AMPH: variants seen among roughly 807,000 people sequenced by gnomAD.
The protein encoded by AMPH is amphiphysin (Stiff-Mann syndrome with breast cancer 128kD autoantigen).
AMPH carries 49 observed loss-of-function variants against 99.1 expected under a neutral mutation model. That is an observed-to-expected ratio of 0.49 (90% CI 0.39 to 0.63). The LOEUF (loss-of-function observed/expected upper bound fraction) is 0.63, where lower values mean the gene tolerates loss of function less well. Ranked by LOEUF, AMPH falls within the 20% of genes least tolerant of loss-of-function variation. The pLI, the probability that AMPH is intolerant of heterozygous loss-of-function variation, is 0.00. For missense variants in AMPH, 759 were observed against 863.4 expected (o/e 0.88, Z 1.52); for synonymous variants, 314 against 317.3 (o/e 0.99, Z 0.11).
chr7:38,548,048 T>C (rs1791051393), intron 1 of AMPH, among the ~76,000 whole-genome samples: 1 of 60,732 alleles, frequency 1.6e-5, no homozygotes. Flanking sequence ...TTTTTTTTTG[T>C]GACAGAGTCT....
At chr7:38,505,375 C>A (rs920071616) in intron 2 of AMPH, among the ~76,000 whole-genome samples, 1 of 152,098 alleles carries the variant, frequency 6.6e-6, no homozygotes, top group African/African-American at 2.4e-5. Context: ...GCTCTATAAA[C>A]CCGGTTACTA....
chr7:38,608,724 G>A (rs73126178), intron 1 of AMPH, among the ~76,000 whole-genome samples: 1 of 152,300 alleles, frequency 6.6e-6, no homozygotes, highest in Admixed American at 6.5e-5. Context: ...GGAAGGCCTG[G>A]CCCCCAGACA....
intron 1 of AMPH, among the ~76,000 whole-genome samples, chr7:38,605,074 A>T (rs1793386575): frequency 1.5e-5 from 1 of 67,898 alleles, no homozygotes; most frequent in South Asian, 3.0e-4. Flanking sequence ...TTCTTCAGTG[A>T]AGTCTGAAGC....
chr7:38,571,344 T>TATATATTTACATATAGA (rs1562835413), intron 1 of AMPH, among the ~76,000 whole-genome samples: 4 of 41,652 alleles, frequency 9.6e-5, no homozygotes, highest in South Asian at 1.4e-3. Flanking sequence ...ATATATAGAA[T>TATATATTTACATATAGA]ATATATATTT....
intron 17 of AMPH, among the ~76,000 whole-genome samples, chr7:38,405,348 T>C (rs1178169549): frequency 6.6e-6 from 1 of 152,036 alleles, no homozygotes; most frequent in African/African-American, 2.4e-5. Context: ...GAACAAAACC[T>C]CACATGTCAA....
intron 1 of AMPH, among the ~76,000 whole-genome samples, chr7:38,626,439 T>A (rs1794244471): frequency 6.6e-6 from 1 of 152,104 alleles, no homozygotes; most frequent in Non-Finnish European, 1.5e-5. Context: ...AAATAAGCAA[T>A]GGGGAAAGGA....
chr7:38,588,020 C>T (rs116012439), intron 1 of AMPH, among the ~76,000 whole-genome samples: 2,548 of 151,830 alleles, frequency 0.017, 61 homozygotes, highest in African/African-American at 0.051. Context: ...GGCGTGATCT[C>T]GGTTCACTGC....
intron 11 of AMPH, 91 bp from the exon 12 acceptor site, chr7:38,436,479 T>A: frequency 3.2e-6 from 3 of 941,180 alleles, no homozygotes; most frequent in Non-Finnish European, 5.0e-6. Context: ...CTCTCTAATA[T>A]TATTATTGAG....
intron 17 of AMPH, 44 bp from the exon 18 acceptor site, chr7:38,394,258 CCTCTGCCAGGAGTCAAA>C: frequency 6.3e-7 from 1 of 1,598,518 alleles, no homozygotes; most frequent in Non-Finnish European, 8.6e-7. Flanking sequence ...TCTCCATGGG[CCTCTGCCAGGAGTCAAA>C]CTCAAGCCTA....
intron 5 of AMPH, among the ~76,000 whole-genome samples, chr7:38,479,598 A>G (rs554855548): frequency 4.3e-4 from 66 of 152,296 alleles, no homozygotes; most frequent in African/African-American, 1.4e-3. Context: ...AGAAAAATGT[A>G]TGACAATAAC....
chr7:38,424,699 C>A (rs1215139134), intron 15 of AMPH, among the ~76,000 whole-genome samples: 1 of 151,476 alleles, frequency 6.6e-6, no homozygotes, highest in African/African-American at 2.4e-5. Flanking sequence ...AAACCAAAAC[C>A]CATAAATTTT....
intron 5 of AMPH, 27 bp downstream of exon 5, chr7:38,491,023 T>TCCC: frequency 6.7e-7 from 1 of 1,483,564 alleles, no homozygotes; most frequent in East Asian, 2.3e-5. Flanking sequence ...ACTCAATCCT[T>TCCC]CCCTTTATAG....
chr7:38,484,639 A>G (rs1204078478), intron 5 of AMPH, among the ~76,000 whole-genome samples: 7 of 152,072 alleles, frequency 4.6e-5, no homozygotes, highest in Non-Finnish European at 7.4e-5. Context: ...ACAGCAAACA[A>G]TAGCATAAAA....
At chr7:38,606,284 ATTCACAC>A (rs1793431200) in intron 1 of AMPH, among the ~76,000 whole-genome samples, 1 of 152,190 alleles carries the variant, frequency 6.6e-6, no homozygotes. Context: ...TATTTAGTGC[ATTCACAC>A]TGTTGTGCAA....
chr7:38,571,941 T>C (rs1301870349), intron 1 of AMPH, among the ~76,000 whole-genome samples: 1 of 151,506 alleles, frequency 6.6e-6, no homozygotes, highest in African/African-American at 2.4e-5. Context: ...GTTTTGCTCT[T>C]CTTGCCCAGG....
chr7:38,480,669 T>A (rs1019587243), intron 5 of AMPH, among the ~76,000 whole-genome samples: 1 of 152,186 alleles, frequency 6.6e-6, no homozygotes, highest in Non-Finnish European at 1.5e-5. Context: ...ACTCAAAGTA[T>A]GCAATGAGTT....
chr7:38,624,460 T>C (rs548160586), intron 1 of AMPH, among the ~76,000 whole-genome samples: 1 of 151,862 alleles, frequency 6.6e-6, no homozygotes, highest in Admixed American at 6.6e-5. Flanking sequence ...AGTGGCACAA[T>C]CGCGGCTCAC....
intron 2 of AMPH, among the ~76,000 whole-genome samples, chr7:38,516,804 A>G (rs920965928): frequency 1.3e-5 from 2 of 152,232 alleles, no homozygotes; most frequent in African/African-American, 4.8e-5. Context: ...ACAGAGGCAG[A>G]GCTGCCCAAG....
intron 1 of AMPH, among the ~76,000 whole-genome samples, chr7:38,597,293 G>C (rs1442651799): frequency 6.6e-6 from 1 of 151,918 alleles, no homozygotes; most frequent in Admixed American, 6.6e-5. Context: ...ACAGGAATCT[G>C]TCATCATGAA....
Sources: allele counts gnomAD v4.1 joint callset (sites outside exome capture counted in the v4.1 genomes callset), GRCh38; gene constraint gnomAD v4.1.1; transcripts MANE v1.5; gene names NCBI Gene and HGNC (gene_info 2026-07-23, HGNC 2026-07-21).